The following DNAJC24 variants were observed in gnomAD, a reference collection of about 807,000 sequenced individuals.
DNAJC24 encodes dnaJ homolog subfamily C member 24.
Under a neutral mutation model 18.0 loss-of-function variants are expected in DNAJC24, and 17 were observed. The ratio of observed to expected loss-of-function variants is 0.94; its 90% CI spans 0.65 to 1.42. DNAJC24 has a LOEUF of 1.42. DNAJC24 is among the 40% of genes most tolerant of loss of function. The probability of loss-of-function intolerance (pLI) is 0.00; values close to 1 mark genes in which losing one functional copy is unlikely to be tolerated. For missense variants in DNAJC24, 158 were observed against 175.6 expected, an observed-to-expected ratio of 0.90 and a Z score of 0.57; for synonymous variants, 55 against 57.7, an observed-to-expected ratio of 0.95 and a Z score of 0.21.
At chr11:31,408,221 T>C (rs991775557) in intron 2 of DNAJC24, 2 of 456,078 alleles carry the variant, frequency 4.4e-6, no homozygotes, top group African/African-American at 4.0e-5. Context: ...AATTCCTTGT[T>C]TTAAGCAGTC....
chr11:31,403,399 G>T (rs1238728989), intron 2 of DNAJC24, among the ~76,000 whole-genome samples: 2 of 152,120 alleles, frequency 1.3e-5, no homozygotes, highest in African/African-American at 4.8e-5. Flanking sequence ...GGAAACAGAG[G>T]TTACGTTACA....
intron 2 of DNAJC24, among the ~76,000 whole-genome samples, chr11:31,391,203 G>A (rs553825022): frequency 6.6e-6 from 1 of 152,254 alleles, no homozygotes; most frequent in African/African-American, 2.4e-5. Flanking sequence ...GAACATACCT[G>A]AACATCATAA....
At chr11:31,429,405 C>A in intron 4 of DNAJC24, 1 of 336,998 alleles carries the variant, frequency 3.0e-6, no homozygotes, top group Non-Finnish European at 6.6e-6. Context: ...ATCATGAGTC[C>A]TTTGAGACTT....
At chr11:31,423,047 A>G (rs868115783) in intron 3 of DNAJC24, among the ~76,000 whole-genome samples, 1 of 152,198 alleles carries the variant, frequency 6.6e-6, no homozygotes, top group African/African-American at 2.4e-5. Context: ...TTAGATTACC[A>G]TCCTTTCAAA....
intron 2 of DNAJC24, among the ~76,000 whole-genome samples, chr11:31,384,288 A>G (rs1475348724): frequency 6.6e-6 from 1 of 152,194 alleles, no homozygotes; most frequent in East Asian, 1.9e-4. Flanking sequence ...TGTTCCATTG[A>G]TACATCATAA....
At chr11:31,413,361 T>C (rs1484966023) in intron 2 of DNAJC24, among the ~76,000 whole-genome samples, 7 of 148,358 alleles carry the variant, frequency 4.7e-5, no homozygotes, top group Admixed American at 1.3e-4. Flanking sequence ...GACGGAGTCT[T>C]GCTCTGTCGC....
chr11:31,388,693 A>G (rs973946698), intron 2 of DNAJC24, among the ~76,000 whole-genome samples: 2 of 152,202 alleles, frequency 1.3e-5, no homozygotes, highest in African/African-American at 4.8e-5. Flanking sequence ...TTCACCGTTA[A>G]CGATAAGTAC....
At chr11:31,425,000 C>G (rs1462069199) in intron 3 of DNAJC24, among the ~76,000 whole-genome samples, 1 of 149,344 alleles carries the variant, frequency 6.7e-6, no homozygotes, top group Non-Finnish European at 1.5e-5. Context: ...TTTTTTTATT[C>G]TAGAAGAACA....
At chr11:31,399,285 TA>T (rs1178696389) in intron 2 of DNAJC24, among the ~76,000 whole-genome samples, 1 of 152,194 alleles carries the variant, frequency 6.6e-6, no homozygotes, top group Non-Finnish European at 1.5e-5. Flanking sequence ...GTTTAAGGTA[TA>T]TTATAGAGGT....
intron 2 of DNAJC24, among the ~76,000 whole-genome samples, chr11:31,388,824 A>G (rs1316131883): frequency 6.6e-6 from 1 of 152,216 alleles, no homozygotes. Context: ...AATAGGCAGT[A>G]TAATAAGATA....
rs942693145 is a variant in DNAJC24, at chr11:31,431,765, T to C, written c.*1364T>C. On this transcript the variant is annotated 3_prime_UTR_variant, in exon 5 of 5. Transcript: ENST00000465995. Reference sequence around the variant, plus strand: ...ACCCAGGAGGCAGAGTGAGCCGAGGTTGTGCCACTGCACTGCAGCCTGGGC... The same window carrying C: ...ACCCAGGAGGCAGAGTGAGCCGAGGCTGTGCCACTGCACTGCAGCCTGGGC... 2 of 151,790 alleles carry C rather than the reference T, an allele frequency of 1.3e-5. No individual in the cohort carries two copies. Among genetic ancestry groups the C allele is most frequent in the African/African-American group, 2.4e-5 (1 of 41,362 alleles). 9.4% of individuals were successfully genotyped at this position (151,790 alleles called of 1,614,324 possible). A position where few individuals can be genotyped will look rare whatever the true frequency, so the allele number is the denominator to read the frequency against.
Position 31,373,086 on chromosome 11 carries a change from C to A in DNAJC24, c.111+2227C>A, listed in dbSNP as rs964198709. Among the ~76,000 whole-genome samples the A allele has an allele frequency of 2.4e-4, 32 of 133,488 alleles. 2 individuals carry two copies. The highest frequency in any genetic ancestry group is 7.8e-4 in the African/African-American group (31 of 39,968). 87.6% of individuals were successfully genotyped at this position (133,488 alleles called of 152,430 possible). ...TGTTTTTTTTTAAATTAAATATATT[C>A]TTGATTCTGTATATATGTTGTATAT... On this transcript the variant is annotated intron_variant, in intron 2 of 4. Transcript: ENST00000465995.
chr11:31,416,805 T>C (rs1034530338), intron 3 of DNAJC24: 7 of 152,102 alleles, frequency 4.6e-5, no homozygotes, highest in African/African-American at 1.7e-4. Flanking sequence ...AAGAAAGATT[T>C]GAGAGATGTC....
chr11:31,405,066 C>CTTTTTTTTTTTTTTTTTTTTTTTTTT (rs398015694), intron 2 of DNAJC24, among the ~76,000 whole-genome samples: 1 of 132,008 alleles, frequency 7.6e-6, no homozygotes, highest in African/African-American at 2.9e-5. Flanking sequence ...ATTAGGAATT[C>CTTTTTTTTTTTTTTTTTTTTTTTTTT]TTTTTTTTGT....
chr11:31,418,399 A>C (rs1264079409), intron 3 of DNAJC24, among the ~76,000 whole-genome samples: 1 of 152,112 alleles, frequency 6.6e-6, no homozygotes, highest in African/African-American at 2.4e-5. Flanking sequence ...TTAAAAACAC[A>C]TCAGAAGTAT....
intron 3 of DNAJC24, chr11:31,416,778 T>C (rs540581021): frequency 6.6e-6 from 1 of 152,250 alleles, no homozygotes; most frequent in African/African-American, 2.4e-5. Flanking sequence ...GGTTAAAAGT[T>C]AGCAGAGAAT....
intron 2 of DNAJC24, among the ~76,000 whole-genome samples, chr11:31,410,704 T>C (rs1334876807): frequency 6.6e-6 from 1 of 152,206 alleles, no homozygotes; most frequent in East Asian, 1.9e-4. Context: ...ATTAGAAGGA[T>C]TGAGGTTATT....
At chr11:31,427,474 T>G (rs1454737332) in intron 4 of DNAJC24, 1 of 151,870 alleles carries the variant, frequency 6.6e-6, no homozygotes, top group East Asian at 1.9e-4. Context: ...GTGATACAGA[T>G]TTTCACTGCT....
At chr11:31,378,089 A>G (rs903248731) in intron 2 of DNAJC24, among the ~76,000 whole-genome samples, 3 of 152,142 alleles carry the variant, frequency 2.0e-5, no homozygotes, top group Admixed American at 1.3e-4. Flanking sequence ...ACCACGTTGG[A>G]AAAGAAGGGA....
Sources: allele counts gnomAD v4.1 joint callset (sites outside exome capture counted in the v4.1 genomes callset), GRCh38; gene constraint gnomAD v4.1.1; transcripts MANE v1.5; gene names NCBI Gene and HGNC (gene_info 2026-07-23, HGNC 2026-07-21).